The following UBE2K variants were observed in gnomAD, a reference collection of about 807,000 sequenced individuals.
The protein encoded by UBE2K is ubiquitin-conjugating enzyme E2 K.
Under a neutral mutation model 30.0 loss-of-function variants are expected in UBE2K, and 6 were observed. That is an observed-to-expected ratio of 0.20 (90% CI 0.11 to 0.39). The LOEUF (loss-of-function observed/expected upper bound fraction) is 0.39. UBE2K is among the 10% of genes least tolerant of loss of function. The pLI, the probability that UBE2K is intolerant of heterozygous loss-of-function variation, is 1.00. For synonymous variants in UBE2K, 86 were observed against 83.7 expected, an observed-to-expected ratio of 1.03 and a Z score of -0.15; for missense variants, 61 against 241.6, an observed-to-expected ratio of 0.25 and a Z score of 4.96.
chr4:39,717,886 C>T lies in UBE2K; in HGVS notation c.63+19496C>T, dbSNP rs540937717. 2.8e-3 allele frequency among the ~76,000 whole-genome samples: 402 copies of T among 143,422 alleles called. 2 individuals carry two copies. Among genetic ancestry groups the T allele is most frequent in the Non-Finnish European group, 3.5e-3 (236 of 67,776 alleles). 94.1% of individuals were successfully genotyped at this position (143,422 alleles called of 152,430 possible). Reference sequence around the variant, plus strand: ...GTGAGTGTTACAGCTCTTAAGGCGGCGCGTCTGGAGTTGTTCGTTCCTCCC... The same window carrying T: ...GTGAGTGTTACAGCTCTTAAGGCGGTGCGTCTGGAGTTGTTCGTTCCTCCC... On this transcript the variant is annotated intron_variant, in intron 1 of 6. Transcript: ENST00000261427.
chr4:39,748,679 T>A (rs967280307), intron 3 of UBE2K, among the ~76,000 whole-genome samples: 1 of 151,962 alleles, frequency 6.6e-6, no homozygotes, highest in Admixed American at 6.6e-5. Flanking sequence ...CTGTTCCGTT[T>A]GGAGGTAGCT....
intron 1 of UBE2K, among the ~76,000 whole-genome samples, chr4:39,720,511 G>C (rs1373816797): frequency 6.6e-6 from 1 of 152,254 alleles, no homozygotes; most frequent in South Asian, 2.1e-4. Flanking sequence ...TTATGGCTCA[G>C]TAAGGCAGTG....
chr4:39,734,087 T>A (rs1372517113), intron 1 of UBE2K, among the ~76,000 whole-genome samples: 3 of 150,358 alleles, frequency 2.0e-5, no homozygotes, highest in Admixed American at 6.9e-5. Context: ...ATAAAGACCC[T>A]ATTCTAAGCC....
chr4:39,706,007 A>G (rs1040141558), intron 1 of UBE2K, among the ~76,000 whole-genome samples: 4 of 150,538 alleles, frequency 2.7e-5, no homozygotes, highest in Admixed American at 2.6e-4. Context: ...ATGCGCCACC[A>G]TGCCCAGCTA....
intron 1 of UBE2K, among the ~76,000 whole-genome samples, chr4:39,735,989 CAT>C (rs1218144858): frequency 2.1e-5 from 3 of 142,154 alleles, no homozygotes; most frequent in Admixed American, 1.5e-4. Context: ...AAATATTTAA[CAT>C]AGAAAAAGAG....
chr4:39,708,091 T>G (rs1255740205), intron 1 of UBE2K, among the ~76,000 whole-genome samples: 1 of 151,614 alleles, frequency 6.6e-6, no homozygotes, highest in African/African-American at 2.4e-5. Context: ...AGACCGGGTT[T>G]CTCCATGGTG....
chr4:39,764,923 G>A (rs1237928451), intron 4 of UBE2K, among the ~76,000 whole-genome samples: 1 of 148,300 alleles, frequency 6.7e-6, no homozygotes, highest in Non-Finnish European at 1.5e-5. Flanking sequence ...GTCTCACTCT[G>A]TGGCCCAGGC....
Position 39,770,380 on chromosome 4 carries a change from A to G in UBE2K, c.300-4454A>G, listed in dbSNP as rs1712706497. 8 of 1,613,274 alleles carry G rather than the reference A, an allele frequency of 5.0e-6. No homozygotes were observed. The East Asian group carries it at 6.7e-5, about 13-fold the overall frequency. ...TTGAACTCCTTGCCACAGCGAGGGCACATGAAGATGAAGTGCTGCTGCCGC... is the reference window on the plus strand; with the variant it reads ...TTGAACTCCTTGCCACAGCGAGGGCGCATGAAGATGAAGTGCTGCTGCCGC... On this transcript the variant is annotated intron_variant, in intron 4 of 6. Transcript: ENST00000261427.
intron 1 of UBE2K, among the ~76,000 whole-genome samples, chr4:39,708,646 GTC>G (rs1383999749): frequency 1.3e-5 from 2 of 152,150 alleles, no homozygotes; most frequent in Admixed American, 1.3e-4. Flanking sequence ...AAAATATAGT[GTC>G]TTAGAAAATG....
rs33995934 is a variant in UBE2K, at chr4:39,703,844, C to CAAA, written c.63+5471_63+5473dup. On this transcript the variant is annotated intron_variant, in intron 1 of 6. Coordinates refer to ENST00000261427, the MANE Select transcript of UBE2K (RefSeq NM_005339.5). The stretch of plus-strand genomic sequence containing the variant: ...CTGGCGACAGAGCGAGACTCCATCT[C>CAAA]AAAAAAAAAAAAAAAAAAAGAATAC... Among the ~76,000 whole-genome samples, 375 of 105,214 alleles carry CAAA rather than the reference C, an allele frequency of 3.6e-3. 9 individuals are homozygous for CAAA. The East Asian group carries it at 0.05, about 14-fold the overall frequency. 69.0% of individuals were successfully genotyped at this position (105,214 alleles called of 152,430 possible).
chr4:39,730,341 GT>G (rs980474309), intron 1 of UBE2K, among the ~76,000 whole-genome samples: 1 of 151,540 alleles, frequency 6.6e-6, no homozygotes, highest in Non-Finnish European at 1.5e-5. Context: ...CACGTTTTTT[GT>G]TTTTTTTGTT....
intron 2 of UBE2K, among the ~76,000 whole-genome samples, chr4:39,742,004 T>C (rs933479268): frequency 1.3e-5 from 2 of 152,170 alleles, no homozygotes; most frequent in Non-Finnish European, 2.9e-5. Context: ...TGGTCATATA[T>C]TGAAAGTTGT....
chr4:39,753,093 C>A (rs1331247542), intron 3 of UBE2K, among the ~76,000 whole-genome samples: 1 of 152,186 alleles, frequency 6.6e-6, no homozygotes, highest in Non-Finnish European at 1.5e-5. Context: ...ATATCTCTTA[C>A]AAAGCAATGT....
At chr4:39,752,489 A>G (rs1244461536) in intron 3 of UBE2K, among the ~76,000 whole-genome samples, 1 of 151,846 alleles carries the variant, frequency 6.6e-6, no homozygotes, top group East Asian at 1.9e-4. Context: ...GGCGCCCGCC[A>G]CCGCGCCCGG....
rs551041215 is a variant in UBE2K at position 39,778,648 on chromosome 4, A to G, written c.*214A>G. On this transcript the variant is annotated 3_prime_UTR_variant, in exon 7 of 7. Transcript: ENST00000261427. ...AAATTTAAAAAGGGGAAATACTTTA[A>G]TTTTTTTTCTTAATAGTGTAAAAAT... 1.2e-5 allele frequency: 5 copies of G among 401,632 alleles called. No homozygotes were observed. The highest frequency in any genetic ancestry group is 8.2e-5 in the Admixed American group (2 of 24,260). 24.9% of individuals were successfully genotyped at this position (401,632 alleles called of 1,614,324 possible).
chr4:39,719,927 T>C (rs560659568), intron 1 of UBE2K, among the ~76,000 whole-genome samples: 10 of 152,342 alleles, frequency 6.6e-5, no homozygotes, highest in Admixed American at 5.9e-4. Flanking sequence ...TGAGTGGTCA[T>C]TGAGTGTTGG....
intron 4 of UBE2K, chr4:39,771,083 A>G: frequency 1.2e-6 from 2 of 1,612,602 alleles, no homozygotes; most frequent in Non-Finnish European, 8.5e-7. Context: ...GCATTCTGGC[A>G]TTTCTCCACC....
At chr4:39,765,448 C>T (rs1712258124) in intron 4 of UBE2K, among the ~76,000 whole-genome samples, 1 of 151,954 alleles carries the variant, frequency 6.6e-6, no homozygotes, top group Non-Finnish European at 1.5e-5. Flanking sequence ...CGCTTAAGCT[C>T]AGGAGGTTGA....
chr4:39,698,372 G>A lies in UBE2K; in HGVS notation c.45G>A (p.Glu15=). Residue 15 remains glutamate (E), a synonymous_variant, in exon 1 of 7, where the codon GAG becomes GAA. Coordinates refer to ENST00000261427, the MANE Select transcript of UBE2K (RefSeq NM_005339.5). Reference sequence around the variant, plus strand: ...AGCGAATCAAGCGGGAGTTCAAGGAGGTGCTGAAGAGCGAGGAGGTCAGAA... The same window carrying A: ...AGCGAATCAAGCGGGAGTTCAAGGAAGTGCTGAAGAGCGAGGAGGTCAGAA... The part of the protein sequence containing the change: ...AVQRIKREFK[E]VLKSEETSKN... 6.2e-7 allele frequency: 1 copy of A among 1,613,248 alleles called. No homozygotes were observed. Among genetic ancestry groups the A allele is most frequent in the Non-Finnish European group, 8.5e-7 (1 of 1,179,712 alleles).
Sources: gnomAD v4.1 joint callset for allele counts (sites outside exome capture counted in the v4.1 genomes callset) on GRCh38, gnomAD v4.1.1 for gene constraint, MANE v1.5 for transcripts, NCBI Gene and HGNC (gene_info 2026-07-23, HGNC 2026-07-21) for gene names.